The following PPP4R4 variants were observed in gnomAD, a reference collection of about 807,000 sequenced individuals.
PPP4R4 encodes serine/threonine-protein phosphatase 4 regulatory subunit 4.
Under a neutral mutation model 121.8 loss-of-function variants are expected in PPP4R4, and 70 were observed. The ratio of observed to expected loss-of-function variants is 0.57; its 90% confidence interval spans 0.47 to 0.70. The LOEUF (loss-of-function observed/expected upper bound fraction) is 0.70. PPP4R4 is among the 30% of genes least tolerant of loss of function. The pLI is 0.00. For synonymous variants in PPP4R4, 348 were observed against 355.7 expected, an observed-to-expected ratio of 0.98 and a Z score of 0.24; for missense variants, 875 against 1,033.6, an observed-to-expected ratio of 0.85 and a Z score of 2.10.
At chr14:94,178,938 A>G (rs1888825057) in intron 2 of PPP4R4, among the ~76,000 whole-genome samples, 1 of 152,212 alleles carries the variant, frequency 6.6e-6, no homozygotes, top group Admixed American at 6.5e-5. Context: ...CTTTACTTGT[A>G]TATTTCTGAT....
At position 94,244,730 on chromosome 14, in the gene PPP4R4, T is replaced by C. The variant is rs1220095732; in HGVS notation, c.1344+18T>C. 4 of 1,480,412 alleles carry C rather than the reference T, an allele frequency of 2.7e-6. No homozygotes were observed. The South Asian group carries it at 4.9e-5, about 18-fold the overall frequency. 91.7% of individuals were successfully genotyped at this position (1,480,412 alleles called of 1,614,324 possible). The stretch of plus-strand genomic sequence containing the variant: ...CACTGGAGGTAATATTTTCTTACTC[T>C]TTGATTTTTAATTCTTTTATGTTTG... On this transcript the variant is annotated intron_variant, in intron 12 of 24. Transcript: ENST00000304338.
At chr14:94,206,928 C>G (rs946055338) in intron 2 of PPP4R4, among the ~76,000 whole-genome samples, 3 of 151,998 alleles carry the variant, frequency 2.0e-5, no homozygotes, top group Non-Finnish European at 2.9e-5. Context: ...AGAGGAGAAT[C>G]CATTCTTGCC....
Position 94,233,998 on chromosome 14 carries a change from C to G in PPP4R4, c.623+239C>G, listed in dbSNP as rs189920873. Among the ~76,000 whole-genome samples the G allele has an allele frequency of 7.2e-5, 11 of 152,206 alleles. 1 individual carries two copies. The East Asian group carries it at 1.5e-3, about 21-fold the overall frequency. On this transcript the variant is annotated intron_variant, in intron 6 of 24. Coordinates refer to ENST00000304338, the MANE Select transcript of PPP4R4 (RefSeq NM_058237.2). ...TTCCTACTTCCTATCTTAATCTTCC[C>G]TATCTCATACCAAATATAGTTTTGA...
At chr14:94,186,872 C>A (rs1460630745) in intron 2 of PPP4R4, among the ~76,000 whole-genome samples, 3 of 152,104 alleles carry the variant, frequency 2.0e-5, no homozygotes, top group African/African-American at 7.2e-5. Context: ...ACTGTAATTG[C>A]AGGTTTGTCT....
chr14:94,192,732 G>A (rs1719299844), intron 2 of PPP4R4, among the ~76,000 whole-genome samples: 1 of 152,092 alleles, frequency 6.6e-6, no homozygotes, highest in Non-Finnish European at 1.5e-5. Context: ...ATTATGTCAC[G>A]TCATCATTTT....
chr14:94,247,523 T>A (rs367699259), intron 14 of PPP4R4, among the ~76,000 whole-genome samples: 8 of 152,140 alleles, frequency 5.3e-5, no homozygotes, highest in Non-Finnish European at 1.0e-4. Flanking sequence ...CTGAAACTAT[T>A]CAAAAAATTG....
chr14:94,267,358 G>A (rs72704312), intron 23 of PPP4R4, among the ~76,000 whole-genome samples: 7,367 of 152,212 alleles, frequency 0.048, 275 homozygotes, highest in Non-Finnish European at 0.074. Flanking sequence ...AAAACAACAG[G>A]ACTTCACTGT....
chr14:94,225,370 T>C (rs936377767), intron 3 of PPP4R4, among the ~76,000 whole-genome samples: 2 of 152,186 alleles, frequency 1.3e-5, no homozygotes, highest in Non-Finnish European at 2.9e-5. Context: ...GTTTGCTGAT[T>C]CTAGAAGAGG....
chr14:94,218,632 AC>A (rs1284270386), intron 3 of PPP4R4, among the ~76,000 whole-genome samples: 6 of 79,562 alleles, frequency 7.5e-5, no homozygotes, highest in Admixed American at 2.9e-4. Context: ...GCACACACAC[AC>A]CCCCCTCACC....
At chr14:94,202,203 G>A (rs1305276375) in intron 2 of PPP4R4, among the ~76,000 whole-genome samples, 1 of 152,036 alleles carries the variant, frequency 6.6e-6, no homozygotes, top group Non-Finnish European at 1.5e-5. Flanking sequence ...TGGGTACAGT[G>A]TACACTGCTT....
At chr14:94,201,909 G>C (rs1766978842) in intron 2 of PPP4R4, among the ~76,000 whole-genome samples, 1 of 149,598 alleles carries the variant, frequency 6.7e-6, no homozygotes, top group Admixed American at 6.6e-5. Context: ...ATCAGTCAAT[G>C]AGTAGATAAA....
rs10131520 is a variant in PPP4R4 at position 94,278,004 on chromosome 14, A to G, written c.2598-615A>G. Among the ~76,000 whole-genome samples the G allele has an allele frequency of 5.4e-3, 819 of 152,312 alleles. 12 individuals are homozygous for G. Among genetic ancestry groups the G allele is most frequent in the African/African-American group, 0.019 (780 of 41,568 alleles). ...ATCTCTCTTGAGTGCACACTGCCAC[A>G]TGGCTGGATGGGTGATGATATCCAC... On this transcript the variant is annotated intron_variant, in intron 24 of 24. Transcript: ENST00000304338.
rs150129534 is a variant in PPP4R4, at chr14:94,207,371, G to T, written c.192-1093G>T. Among the ~76,000 whole-genome samples, 94 of 152,020 alleles carry T rather than the reference G, an allele frequency of 6.2e-4. No individual in the cohort carries two copies. The East Asian group carries it at 0.016, about 26-fold the overall frequency. On this transcript the variant is annotated intron_variant, in intron 2 of 24. Transcript: ENST00000304338. ...AACAGTGGAATGATTATGATGTCCT[G>T]TATTTCATAGCTTACCGTATAGCAA... is the stretch of plus-strand genomic sequence containing the variant.
intron 2 of PPP4R4, among the ~76,000 whole-genome samples, chr14:94,177,294 T>G (rs953995377): frequency 6.6e-6 from 1 of 152,230 alleles, no homozygotes; most frequent in Non-Finnish European, 1.5e-5. Context: ...TGTGGTAGCA[T>G]GCTCTCATCA....
intron 19 of PPP4R4, among the ~76,000 whole-genome samples, chr14:94,262,780 T>C (rs113301348): frequency 0.012 from 1,871 of 152,206 alleles, 47 homozygotes; most frequent in African/African-American, 0.043. Flanking sequence ...GAATTTTCTT[T>C]AGCAAATCTT....
chr14:94,270,915 C>A (rs1260999804), intron 23 of PPP4R4, among the ~76,000 whole-genome samples: 1 of 130,998 alleles, frequency 7.6e-6, no homozygotes. Flanking sequence ...GAGACTCCAT[C>A]TCAAAAAAAA....
intron 14 of PPP4R4, among the ~76,000 whole-genome samples, chr14:94,248,352 G>A (rs541636626): frequency 3.3e-5 from 5 of 152,196 alleles, no homozygotes; most frequent in African/African-American, 1.2e-4. Flanking sequence ...ATCTAACCAA[G>A]GAGGCGAAAG....
At chr14:94,237,496 T>G in intron 7 of PPP4R4, 69 bp from the exon 8 acceptor site, 1 of 1,449,938 alleles carries the variant, frequency 6.9e-7, no homozygotes, top group Non-Finnish European at 9.5e-7. Context: ...GCCCAGTCAC[T>G]GGTTTTTAGT....
At chr14:94,200,228 T>C (rs1242892511) in intron 2 of PPP4R4, among the ~76,000 whole-genome samples, 1 of 152,216 alleles carries the variant, frequency 6.6e-6, no homozygotes, top group Non-Finnish European at 1.5e-5. Flanking sequence ...CTAGACTCAC[T>C]TATTCTAGCC....
Sources: gnomAD v4.1 joint callset for allele counts (sites outside exome capture counted in the v4.1 genomes callset) on GRCh38, gnomAD v4.1.1 for gene constraint, MANE v1.5 for transcripts, NCBI Gene and HGNC (gene_info 2026-07-23, HGNC 2026-07-21) for gene names.